The following CPO variants were observed in gnomAD, a reference collection of about 807,000 sequenced individuals.
The protein encoded by CPO is metallocarboxypeptidase C.
In CPO, 43 loss-of-function variants were observed where a neutral mutation model predicts 41.2. That is an observed-to-expected ratio of 1.04 (90% CI 0.82 to 1.35). The LOEUF (loss-of-function observed/expected upper bound fraction) is 1.35. Among genes scored for constraint, CPO ranks in the 40% most tolerant of loss-of-function variants. The probability of loss-of-function intolerance (pLI) is 0.00; values close to 1 mark genes in which losing one functional copy is unlikely to be tolerated. For synonymous variants in CPO, 178 were observed against 162.7 expected (o/e 1.09, Z -0.72); for missense variants, 408 against 451.7 (o/e 0.90, Z 0.88).
At chr2:206,946,703 A>G (rs1055054652) in intron 1 of CPO, among the ~76,000 whole-genome samples, 2 of 152,210 alleles carry the variant, frequency 1.3e-5, no homozygotes, top group Non-Finnish European at 2.9e-5. Context: ...TTATCAATGT[A>G]GAAATCAGAA....
chr2:206,969,187 G>A lies in CPO; in HGVS notation c.876G>A (p.Gly292=), dbSNP rs149624912. 3.9e-4 allele frequency: 634 copies of A among 1,614,102 alleles called. 4 individuals carry two copies. The African/African-American group carries it at 7.5e-3, about 19-fold the overall frequency. Residue 292 remains glycine, a synonymous_variant, in exon 9 of 9, where the codon GGG becomes GGA. Coordinates refer to ENST00000272852, the MANE Select transcript of CPO (RefSeq NM_173077.3). ...SSADILYASS[G]SSRDWARDIG... Reference sequence around the variant, plus strand: ...TTTCACCTGTAGATGCCTCATCAGGGTCTTCAAGAGATTGGGCCCGAGACA... The same window carrying A: ...TTTCACCTGTAGATGCCTCATCAGGATCTTCAAGAGATTGGGCCCGAGACA...
At chr2:206,964,265 C>T (rs536362569) in intron 7 of CPO, among the ~76,000 whole-genome samples, 1 of 152,322 alleles carries the variant, frequency 6.6e-6, no homozygotes, top group East Asian at 1.9e-4. Flanking sequence ...AAGTACCTTT[C>T]TTGCAATTAT....
chr2:206,967,351 A>ATCT (rs1491129937), intron 7 of CPO, among the ~76,000 whole-genome samples: 1 of 138,882 alleles, frequency 7.2e-6, no homozygotes, highest in Admixed American at 7.2e-5. Flanking sequence ...ATATATATAT[A>ATCT]GATATATAGA....
intron 3 of CPO, among the ~76,000 whole-genome samples, chr2:206,957,182 C>T (rs1693383788): frequency 6.6e-6 from 1 of 151,902 alleles, no homozygotes; most frequent in Non-Finnish European, 1.5e-5. Context: ...TCAAGACCAT[C>T]CTAGCTAACA....
chr2:206,961,562 T>C (rs1268451817), intron 6 of CPO, among the ~76,000 whole-genome samples: 1 of 152,150 alleles, frequency 6.6e-6, no homozygotes, highest in East Asian at 1.9e-4. Flanking sequence ...AATGGGATGC[T>C]ACATGGGAAG....
At position 206,962,514 on chromosome 2, in the gene CPO, A is replaced by G. The variant is rs1693500036; in HGVS notation, c.677A>G (p.Lys226Arg). The G allele has an allele frequency of 6.2e-7, 1 of 1,614,186 alleles. No individual in the cohort carries two copies. Among genetic ancestry groups the G allele is most frequent in the Non-Finnish European group, 8.5e-7 (1 of 1,179,996 alleles). ...KAVASFIESK[K>R]DDILCFLTMH... ...GTTGCCAGCTTCATAGAGAGCAAGA[A>G]GGATGATATTTTGTGCTTCCTGACC... Residue 226 changes from lysine to arginine, a missense_variant, in exon 7 of 9, where the codon AAG (lysine) becomes AGG (arginine). Coordinates refer to ENST00000272852, the MANE Select transcript of CPO (RefSeq NM_173077.3).
intron 6 of CPO, among the ~76,000 whole-genome samples, chr2:206,961,246 A>C (rs1192109857): frequency 1.3e-5 from 2 of 152,212 alleles, no homozygotes; most frequent in Non-Finnish European, 2.9e-5. Flanking sequence ...AAAGAAAAGA[A>C]AAATCAGAGA....
In CPO at chr2:206,960,653, T is replaced by A. The variant is rs547895909; in HGVS notation, c.484-199T>A. Among the ~76,000 whole-genome samples the A allele has an allele frequency of 2.6e-5, 4 of 152,364 alleles. No homozygotes were observed. The South Asian group carries it at 8.3e-4, about 32-fold the overall frequency. Reference sequence around the variant, plus strand: ...TTACATGTATGTATACTTTTGGTTGTACAGATGTTCCTAGTATTGGGGGCT... The same window carrying A: ...TTACATGTATGTATACTTTTGGTTGAACAGATGTTCCTAGTATTGGGGGCT... On this transcript the variant is annotated intron_variant, in intron 5 of 8. Coordinates refer to ENST00000272852, the MANE Select transcript of CPO (RefSeq NM_173077.3).
At chr2:206,946,982 C>G (rs1388068021) in intron 1 of CPO, among the ~76,000 whole-genome samples, 1 of 152,066 alleles carries the variant, frequency 6.6e-6, no homozygotes, top group African/African-American at 2.4e-5. Context: ...ATGGAAAGTC[C>G]ATGTTCACAG....
chr2:206,955,800 G>A (rs987257536), intron 3 of CPO, among the ~76,000 whole-genome samples: 1 of 152,116 alleles, frequency 6.6e-6, no homozygotes, highest in Admixed American at 6.5e-5. Context: ...TGGGACCATG[G>A]GGGTAGGGCT....
intron 1 of CPO, among the ~76,000 whole-genome samples, chr2:206,946,068 A>C (rs560818776): frequency 6.6e-6 from 1 of 152,148 alleles, no homozygotes; most frequent in Non-Finnish European, 1.5e-5. Context: ...TAAGGAAAAA[A>C]TTATACCAAT....
rs181733261 is a variant in CPO, at chr2:206,949,828, A to G, written c.165+115A>G. 3,292 of 597,074 alleles carry G rather than the reference A, an allele frequency of 5.5e-3. 23 individuals carry two copies. The highest frequency in any genetic ancestry group is 8.3e-3 in the Non-Finnish European group (2,750 of 329,442). 37.0% of individuals were successfully genotyped at this position (597,074 alleles called of 1,614,324 possible). ...TAGAGAGGCTGAAAATGTGGTGTTA[A>G]GATCTGCCAATACATTGAGTTCAAG... On this transcript the variant is annotated intron_variant, in intron 2 of 8. Transcript: ENST00000272852.
intron 7 of CPO, among the ~76,000 whole-genome samples, chr2:206,967,744 C>G (rs1693613427): frequency 6.6e-6 from 1 of 152,104 alleles, no homozygotes; most frequent in Non-Finnish European, 1.5e-5. Flanking sequence ...ATCTCAAAAA[C>G]TAGGCTGAGA....
intron 1 of CPO, among the ~76,000 whole-genome samples, chr2:206,940,650 T>C (rs1693011476): frequency 6.6e-6 from 1 of 152,000 alleles, no homozygotes; most frequent in African/African-American, 2.4e-5. Flanking sequence ...GTGTGTATAG[T>C]TTCCATATAA....
chr2:206,966,020 T>C (rs1280739716), intron 7 of CPO, among the ~76,000 whole-genome samples: 2 of 152,258 alleles, frequency 1.3e-5, no homozygotes, highest in Admixed American at 6.5e-5. Flanking sequence ...ATGCTTCTCA[T>C]GTCTATCTCT....
At chr2:206,966,593 A>G (rs1693580934) in intron 7 of CPO, among the ~76,000 whole-genome samples, 2 of 152,086 alleles carry the variant, frequency 1.3e-5, no homozygotes, top group Non-Finnish European at 2.9e-5. Context: ...AAATGATTAA[A>G]TCAGCGTTTT....
Position 206,961,819 on chromosome 2 carries a change from C to T in CPO, c.575-593C>T, listed in dbSNP as rs148599205. Among the ~76,000 whole-genome samples, 976 of 151,958 alleles carry T rather than the reference C, an allele frequency of 6.4e-3. 6 individuals carry two copies. The highest frequency in any genetic ancestry group is 9.0e-3 in the African/African-American group (373 of 41,436). On this transcript the variant is annotated intron_variant, in intron 6 of 8. Coordinates refer to ENST00000272852, the MANE Select transcript of CPO (RefSeq NM_173077.3). Reference sequence around the variant, plus strand: ...TAAGTAAAAGCATACTGGCAGGGCACGGTGGCTCATGCCTGTAATCCCAGC... The same window carrying T: ...TAAGTAAAAGCATACTGGCAGGGCATGGTGGCTCATGCCTGTAATCCCAGC...
intron 1 of CPO, among the ~76,000 whole-genome samples, chr2:206,944,843 A>G (rs1013570510): frequency 6.6e-6 from 1 of 152,102 alleles, no homozygotes; most frequent in East Asian, 1.9e-4. Context: ...AACCAGAAAA[A>G]AAATAAAATT....
In CPO at chr2:206,955,066, C is replaced by T. The variant is rs557585054; in HGVS notation, c.166-397C>T. On this transcript the variant is annotated intron_variant, in intron 2 of 8. Coordinates refer to ENST00000272852, the MANE Select transcript of CPO (RefSeq NM_173077.3). ...CATGGACATCAGCAAAAGATATCACCGGGATCTGTAAAGATGGAAGAAAAT... is the reference window on the plus strand; with the variant it reads ...CATGGACATCAGCAAAAGATATCACTGGGATCTGTAAAGATGGAAGAAAAT... Among the ~76,000 whole-genome samples, 52 of 152,238 alleles carry T rather than the reference C, an allele frequency of 3.4e-4. 1 individual carries two copies. In the South Asian group the frequency reaches 7.0e-3, roughly 21 times the overall value.
Sources: allele counts gnomAD v4.1 joint callset (sites outside exome capture counted in the v4.1 genomes callset), GRCh38; gene constraint gnomAD v4.1.1; transcripts MANE v1.5; gene names NCBI Gene and HGNC (gene_info 2026-07-23, HGNC 2026-07-21).